The following ABCC1 variants were observed in gnomAD, a reference collection of about 807,000 sequenced individuals.
ABCC1 encodes the protein ATP binding cassette subfamily C member 1 (ABCC1 blood group).
Under a neutral mutation model 172.9 loss-of-function variants are expected in ABCC1, and 83 were observed. The ratio of observed to expected loss-of-function variants is 0.48; its 90% CI spans 0.40 to 0.58. The LOEUF (loss-of-function observed/expected upper bound fraction) is 0.58, where lower values mean the gene tolerates loss of function less well. Ranked by LOEUF, ABCC1 falls within the 20% of genes least tolerant of loss-of-function variation. The probability of loss-of-function intolerance (pLI) is 0.00; values close to 1 mark genes in which losing one functional copy is unlikely to be tolerated. For missense variants in ABCC1, 1,817 were observed against 2,002.7 expected (o/e 0.91, Z 1.77); for synonymous variants, 937 against 825.2 (o/e 1.14, Z -2.32).
At chr16:16,008,378 A>T (rs1001985176) in intron 2 of ABCC1, among the ~76,000 whole-genome samples, 13 of 151,462 alleles carry the variant, frequency 8.6e-5, no homozygotes, top group African/African-American at 2.9e-4. Context: ...TTTTTAATTT[A>T]TTTTTTGTAG....
At chr16:16,069,853 G>T (rs1433422981) in intron 13 of ABCC1, among the ~76,000 whole-genome samples, 1 of 152,060 alleles carries the variant, frequency 6.6e-6, no homozygotes, top group Admixed American at 6.6e-5. Context: ...GGGAAACCTT[G>T]TCTCTACTAA....
chr16:15,999,343 C>T (rs908551282), intron 1 of ABCC1, among the ~76,000 whole-genome samples: 2 of 151,522 alleles, frequency 1.3e-5, no homozygotes, highest in South Asian at 2.1e-4. Context: ...TCGCTGGGTG[C>T]GATGGCTCAC....
Position 16,118,436 on chromosome 16 carries a change from TTTTTTTTTC to T in ABCC1, c.3390+3361_3390+3369del, listed in dbSNP as rs1357524252. Among the ~76,000 whole-genome samples the T allele has an allele frequency of 2.2e-3, 325 of 146,938 alleles. 2 individuals carry two copies. The highest frequency in any genetic ancestry group is 7.6e-3 in the African/African-American group (307 of 40,604). ...AAATTGGTGCCAGCTTTTTTTTTTT[TTTTTTTTTC>T]CCCTGCATTTACCAAATATGTTATC... On this transcript the variant is annotated intron_variant, in intron 23 of 30. Transcript: ENST00000399410.
intron 1 of ABCC1, among the ~76,000 whole-genome samples, chr16:15,991,580 C>G (rs1365676180): frequency 2.6e-5 from 4 of 152,018 alleles, no homozygotes; most frequent in African/African-American, 7.2e-5. Context: ...CATCAACATT[C>G]ATTAGGTGGA....
intron 1 of ABCC1, among the ~76,000 whole-genome samples, chr16:15,999,811 T>TCTC (rs1567298862): frequency 3.5e-4 from 12 of 34,154 alleles, no homozygotes; most frequent in African/African-American, 1.2e-3. Flanking sequence ...CTCTCTCTCC[T>TCTC]CTCTCTCTCT....
In ABCC1 at chr16:16,134,512, G is replaced by A; in HGVS notation, c.4125+4G>A. 6.2e-7 allele frequency: 1 copy of A among 1,614,080 alleles called. No individual in the cohort carries two copies. Among genetic ancestry groups the A allele is most frequent in the Non-Finnish European group, 8.5e-7 (1 of 1,180,026 alleles). ...CAAGATCACCATCATCCCCCAGGTG[G>A]GGTCTGGGTGTGGCCCAGGGGGTGA... On this transcript the variant is annotated splice_donor_region_variant and intron_variant, in intron 28 of 30. Transcript: ENST00000399410.
intron 17 of ABCC1, among the ~76,000 whole-genome samples, chr16:16,086,066 A>C (rs2050993862): frequency 6.6e-6 from 1 of 152,184 alleles, no homozygotes; most frequent in South Asian, 2.1e-4. Context: ...AAGCTGGCAA[A>C]CATGGCAGCT....
At position 16,079,542 on chromosome 16, in the gene ABCC1, A is replaced by G. The variant is rs560659915; in HGVS notation, c.2115+64A>G. 3.7e-5 allele frequency: 58 copies of G among 1,558,272 alleles called. No individual in the cohort carries two copies. The African/African-American group carries it at 4.6e-4, about 12-fold the overall frequency. ...TGGTGGTCTGAGGAAAAGCTCAGAA[A>G]TGATGGTGTTTCTTTTGACTGTCCC... On this transcript the variant is annotated intron_variant, in intron 16 of 30. Coordinates refer to ENST00000399410, the MANE Select transcript of ABCC1 (RefSeq NM_004996.4).
At chr16:16,139,347 C>T (rs2046040796) in intron 30 of ABCC1, among the ~76,000 whole-genome samples, 1 of 151,872 alleles carries the variant, frequency 6.6e-6, no homozygotes, top group Non-Finnish European at 1.5e-5. Flanking sequence ...TGCGGTGGCT[C>T]ACGGCTGTAA....
chr16:16,048,319 C>A lies in ABCC1; in HGVS notation c.1380+16C>A, dbSNP rs1353126832. 6.2e-7 allele frequency: 1 copy of A among 1,612,964 alleles called. No homozygotes were observed. Among genetic ancestry groups the A allele is most frequent in the Non-Finnish European group, 8.5e-7 (1 of 1,179,258 alleles). ...CCTGTGGCTGGTGTGTGTTTAACGC[C>A]GTTTCCCTTTGCATGCAGGGAGGGA... is the stretch of plus-strand genomic sequence containing the variant. On this transcript the variant is annotated intron_variant, in intron 10 of 30. Transcript: ENST00000399410.
chr16:16,034,023 CTT>C (rs10580146), intron 6 of ABCC1, among the ~76,000 whole-genome samples: 13,773 of 86,430 alleles, frequency 0.16, 501 homozygotes, highest in Middle Eastern at 0.22. Flanking sequence ...TAAGCATCAT[CTT>C]TTTTTTTTTT....
At chr16:16,011,385 TGGG>T (rs577274759) in intron 3 of ABCC1, among the ~76,000 whole-genome samples, 3 of 151,974 alleles carry the variant, frequency 2.0e-5, no homozygotes, top group South Asian at 4.2e-4. Context: ...GTGTGAAGGT[TGGG>T]GGGATAGAGT....
intron 29 of ABCC1, among the ~76,000 whole-genome samples, chr16:16,137,650 T>G (rs2152172105): frequency 7.6e-6 from 1 of 131,580 alleles, no homozygotes; most frequent in East Asian, 2.7e-4. Context: ...GCCCCCAGGC[T>G]CAAGCAATTG....
At chr16:16,000,297 C>A (rs958517852) in intron 1 of ABCC1, among the ~76,000 whole-genome samples, 1 of 152,058 alleles carries the variant, frequency 6.6e-6, no homozygotes, top group Non-Finnish European at 1.5e-5. Context: ...TAGGCGAGTT[C>A]ACCATGCCTG....
chr16:15,952,532 C>G (rs1473141822), intron 1 of ABCC1, among the ~76,000 whole-genome samples: 2 of 151,908 alleles, frequency 1.3e-5, no homozygotes, highest in African/African-American at 4.8e-5. Context: ...TTTACTCAGA[C>G]AGATGCTCTG....
intron 24 of ABCC1, among the ~76,000 whole-genome samples, 185 bp from the exon 25 acceptor site, chr16:16,124,604 G>A (rs575758350): frequency 2.6e-5 from 4 of 152,230 alleles, no homozygotes; most frequent in East Asian, 1.9e-4. Context: ...TCGTGCCTTC[G>A]GCCCTCCCTA....
Position 16,116,908 on chromosome 16 carries a change from G to A in ABCC1, c.3390+1832G>A, listed in dbSNP as rs139068138. 5.3e-5 allele frequency among the ~76,000 whole-genome samples: 8 copies of A among 152,244 alleles called. No individual in the cohort carries two copies. In the East Asian group the frequency reaches 1.5e-3, roughly 29 times the overall value. ...GGATTACTTACCCATAAGCACTGCAGTACAATGGCCGTCAGTCTGATAACC... is the reference window on the plus strand; with the variant it reads ...GGATTACTTACCCATAAGCACTGCAATACAATGGCCGTCAGTCTGATAACC... On this transcript the variant is annotated intron_variant, in intron 23 of 30. Transcript: ENST00000399410.
intron 28 of ABCC1, 116 bp from the exon 29 acceptor site, chr16:16,136,362 C>G: frequency 8.8e-7 from 1 of 1,139,832 alleles, no homozygotes; most frequent in South Asian, 1.6e-5. Context: ...ATAGTGATTC[C>G]AAGGAGCTCT....
chr16:16,059,647 A>C (rs1054423141), intron 12 of ABCC1, among the ~76,000 whole-genome samples: 24 of 152,070 alleles, frequency 1.6e-4, no homozygotes, highest in African/African-American at 5.8e-4. Context: ...TATACTAAAA[A>C]TACAAAAATT....
Sources: allele counts gnomAD v4.1 joint callset (sites outside exome capture counted in the v4.1 genomes callset), GRCh38; gene constraint gnomAD v4.1.1; transcripts MANE v1.5; gene names NCBI Gene and HGNC (gene_info 2026-07-23, HGNC 2026-07-21).